The following SAMD12 variants were observed in gnomAD, a reference collection of about 807,000 sequenced individuals.
SAMD12 encodes the protein sterile alpha motif domain-containing protein 12.
In SAMD12, 9 loss-of-function variants were observed where a neutral mutation model predicts 15.0. The observed-to-expected ratio is 0.60, with a 90% CI of 0.36 to 1.05. The LOEUF (loss-of-function observed/expected upper bound fraction) is 1.05. SAMD12 is among the 50% of genes least tolerant of loss of function. The probability of loss-of-function intolerance (pLI) is 0.01; values close to 1 mark genes in which losing one functional copy is unlikely to be tolerated. For missense variants in SAMD12, 230 were observed against 234.2 expected (o/e 0.98, Z 0.12); for synonymous variants, 86 against 90.1 (o/e 0.96, Z 0.25).
intron 1 of SAMD12, among the ~76,000 whole-genome samples, chr8:118,582,322 A>G (rs1480203917): frequency 2.6e-5 from 4 of 152,318 alleles, no homozygotes; most frequent in Admixed American, 2.6e-4. Context: ...TTACACAGAA[A>G]CTGATGAGAC....
At chr8:118,584,956 AAC>A (rs1331941480) in intron 1 of SAMD12, among the ~76,000 whole-genome samples, 1 of 134,650 alleles carries the variant, frequency 7.4e-6, no homozygotes, top group Non-Finnish European at 1.6e-5. Flanking sequence ...CACACACACA[AAC>A]ACACACACAC....
rs779268963 is a variant in SAMD12, at chr8:118,320,838, A to ATATATATAT, written c.433+58721_433+58722insATATATATA. 2.1e-4 allele frequency among the ~76,000 whole-genome samples: 28 copies of ATATATATAT among 136,208 alleles called. 1 individual carries two copies. The highest frequency in any genetic ancestry group is 1.5e-3 in the South Asian group (7 of 4,572). The allele number at this position is 136,208 out of a possible 152,430, so 89.4% of individuals were successfully genotyped here. A position where few individuals can be genotyped will look rare whatever the true frequency, so the allele number is the denominator to read the frequency against. ...TAATAAAAATATATATATATATATA[A>ATATATATAT]AAATCTATAACAGAACAATGCATGT... On this transcript the variant is annotated intron_variant, in intron 4 of 4. Transcript: ENST00000409003.
At chr8:118,501,768 G>A (rs1365822061) in intron 2 of SAMD12, among the ~76,000 whole-genome samples, 2 of 152,212 alleles carry the variant, frequency 1.3e-5, no homozygotes, top group Non-Finnish European at 2.9e-5. Context: ...TGTAATCCCA[G>A]CACTTTGGGA....
intron 4 of SAMD12, among the ~76,000 whole-genome samples, chr8:118,216,832 T>C (rs1198269101): frequency 1.3e-5 from 2 of 152,348 alleles, no homozygotes; most frequent in East Asian, 3.9e-4. Context: ...TCAACATTTC[T>C]TGACAATGAA....
intron 4 of SAMD12, among the ~76,000 whole-genome samples, chr8:118,208,758 C>T (rs921268220): frequency 1.3e-5 from 2 of 152,072 alleles, no homozygotes; most frequent in Non-Finnish European, 2.9e-5. Context: ...TATTTGACAG[C>T]GCCACTCTGT....
intron 2 of SAMD12, among the ~76,000 whole-genome samples, chr8:118,574,328 TAC>T (rs1827096561): frequency 6.6e-6 from 1 of 152,216 alleles, no homozygotes; most frequent in Non-Finnish European, 1.5e-5. Context: ...ACTAGACAAA[TAC>T]TATTAACTAA....
At chr8:118,538,961 T>A (rs1313183005) in intron 2 of SAMD12, among the ~76,000 whole-genome samples, 1 of 152,222 alleles carries the variant, frequency 6.6e-6, no homozygotes, top group African/African-American at 2.4e-5. Context: ...TCAGAAAGGT[T>A]AGGAAATTTG....
chr8:118,176,402 T>C, the SAMD12 span, among the ~76,000 whole-genome samples: 2 of 152,202 alleles, frequency 1.3e-5, no homozygotes, highest in African/African-American at 4.8e-5. Context: ...GGCAAAGATA[T>C]AGAATCAATC....
chr8:118,313,880 T>C (rs1815750926), intron 4 of SAMD12, among the ~76,000 whole-genome samples: 1 of 152,026 alleles, frequency 6.6e-6, no homozygotes, highest in South Asian at 2.1e-4. Context: ...TTTTTTGACA[T>C]GTGCTTGTGT....
At chr8:118,420,643 T>C (rs1821953834) in intron 3 of SAMD12, among the ~76,000 whole-genome samples, 2 of 152,168 alleles carry the variant, frequency 1.3e-5, no homozygotes, top group Admixed American at 1.3e-4. Context: ...GTCAAAATGT[T>C]TACATAAGAG....
intron 1 of SAMD12, among the ~76,000 whole-genome samples, chr8:118,611,776 G>A (rs577881558): frequency 6.6e-6 from 1 of 152,222 alleles, no homozygotes; most frequent in South Asian, 2.1e-4. Flanking sequence ...TTGAATATTT[G>A]AATTTTCTAA....
chr8:118,303,344 T>G (rs370927468), intron 4 of SAMD12, among the ~76,000 whole-genome samples: 1 of 151,900 alleles, frequency 6.6e-6, no homozygotes, highest in Non-Finnish European at 1.5e-5. Context: ...TTACTGGAGG[T>G]TCTTATAAAC....
At chr8:118,232,692 T>C (rs555238071) in intron 4 of SAMD12, among the ~76,000 whole-genome samples, 27 of 152,148 alleles carry the variant, frequency 1.8e-4, no homozygotes, top group African/African-American at 6.0e-4. Context: ...TGTGTGTATG[T>C]GTGTGGTGTG....
intron 4 of SAMD12, among the ~76,000 whole-genome samples, chr8:118,316,369 C>CAAAA (rs71307444): frequency 8.8e-6 from 1 of 114,148 alleles, no homozygotes; most frequent in African/African-American, 3.8e-5. Context: ...CCCATGTCTA[C>CAAAA]AAAAAAAAAA....
At chr8:118,273,265 A>G (rs1444346510) in intron 4 of SAMD12, among the ~76,000 whole-genome samples, 2 of 152,168 alleles carry the variant, frequency 1.3e-5, no homozygotes, top group African/African-American at 4.8e-5. Context: ...TTATAAAACC[A>G]TCAACTCTTG....
At chr8:118,193,180 C>T (rs2129738779) in exon 5 of SAMD12, 1 of 152,334 alleles carries the variant, frequency 6.6e-6, no homozygotes, top group South Asian at 2.1e-4. Context: ...GCCATCAGTA[C>T]TGTTACTGTC....
chr8:118,161,208 G>T, the SAMD12 span, among the ~76,000 whole-genome samples: 8 of 152,146 alleles, frequency 5.3e-5, no homozygotes, highest in Non-Finnish European at 1.2e-4. Context: ...GGACATTTAG[G>T]TTGGTTCAAA....
chr8:118,536,017 A>T (rs1301737251), intron 2 of SAMD12, among the ~76,000 whole-genome samples: 1 of 152,154 alleles, frequency 6.6e-6, no homozygotes, highest in Non-Finnish European at 1.5e-5. Context: ...GAAATGCAGA[A>T]ATCACCTGTC....
chr8:118,461,458 A>C (rs1467514764), intron 2 of SAMD12, among the ~76,000 whole-genome samples: 1 of 151,996 alleles, frequency 6.6e-6, no homozygotes, highest in African/African-American at 2.4e-5. Context: ...TGTACAAAGA[A>C]CCTCAACACT....
Sources: gnomAD v4.1 joint callset for allele counts (sites outside exome capture counted in the v4.1 genomes callset) on GRCh38, gnomAD v4.1.1 for gene constraint, MANE v1.5 for transcripts, NCBI Gene and HGNC (gene_info 2026-07-23, HGNC 2026-07-21) for gene names.